UIMC1: variants seen among roughly 807,000 people sequenced by gnomAD.
The protein encoded by UIMC1 is ubiquitin interaction motif containing 1.
UIMC1 carries 42 observed loss-of-function variants against 84.9 expected under a neutral mutation model. That is an observed-to-expected ratio of 0.49 (90% confidence interval 0.39 to 0.64). The LOEUF is 0.64. Among genes scored for constraint, UIMC1 ranks in the 30% least tolerant of loss-of-function variants. The pLI, the probability that UIMC1 is intolerant of heterozygous loss-of-function variation, is 0.00. For missense variants in UIMC1, 825 were observed against 847.6 expected, an observed-to-expected ratio of 0.97 and a Z score of 0.33; for synonymous variants, 281 against 293.0, an observed-to-expected ratio of 0.96 and a Z score of 0.42.
chr5:177,009,049 C>T (rs549969563), upstream of UIMC1, among the ~76,000 whole-genome samples: 447 of 151,826 alleles, frequency 2.9e-3, no homozygotes, highest in South Asian at 8.9e-3. The surrounding 1 kb of genome is among the most constrained non-coding windows in gnomAD (Gnocchi z 4.3). Flanking sequence ...CTCTGTCACC[C>T]GTACTGGAGT....
At chr5:176,940,524 T>C (rs1366547666) in intron 10 of UIMC1, among the ~76,000 whole-genome samples, 1 of 152,192 alleles carries the variant, frequency 6.6e-6, no homozygotes, top group Admixed American at 6.5e-5. Flanking sequence ...AGATAGTCTC[T>C]TTCCTTTGAA....
chr5:177,003,131 CGAA>C (rs1240625027), intron 1 of UIMC1, among the ~76,000 whole-genome samples: 5 of 151,910 alleles, frequency 3.3e-5, no homozygotes, highest in African/African-American at 1.2e-4. Context: ...TAAAGTGCCA[CGAA>C]GCACTTTATC....
intron 13 of UIMC1, 23 bp from the exon 14 acceptor site, chr5:176,906,070 A>G (rs753395304): frequency 6.2e-7 from 1 of 1,611,376 alleles, no homozygotes; most frequent in East Asian, 2.2e-5. Flanking sequence ...AGAAAAAATA[A>G]TAATGTTGGT....
chr5:176,910,353 T>C (rs185107225), intron 11 of UIMC1, among the ~76,000 whole-genome samples: 1 of 152,376 alleles, frequency 6.6e-6, no homozygotes, highest in East Asian at 1.9e-4. Flanking sequence ...GAAGCACCTT[T>C]GTGCTATCTT....
intron 1 of UIMC1, among the ~76,000 whole-genome samples, chr5:176,994,901 T>C (rs1773381090): frequency 6.6e-6 from 1 of 151,230 alleles, no homozygotes; most frequent in South Asian, 2.1e-4. Flanking sequence ...CAGGTATTTG[T>C]AGAAATAGTT....
At chr5:177,014,989 T>G (rs1293027659) in intron 1 of UIMC1, among the ~76,000 whole-genome samples, 1 of 152,096 alleles carries the variant, frequency 6.6e-6, no homozygotes, top group Non-Finnish European at 1.5e-5. Flanking sequence ...TCCCAGCACT[T>G]TGGGAGGCCA....
chr5:176,968,933 C>G lies in UIMC1; in HGVS notation c.822G>C (p.Val274=). ...AGAATGGAATACCCCAGAAATAGTTCACAGTGCCCCCAGTGTCCTGGAGAC... is the reference window on the plus strand; with the variant it reads ...AGAATGGAATACCCCAGAAATAGTTGACAGTGCCCCCAGTGTCCTGGAGAC... ...AKGLQDTGGT[V]NYFWGIPFCP... is the part of the protein sequence containing the mutation. Residue 274 remains valine, a synonymous_variant, in exon 6 of 15, where the codon GTG becomes GTC. Transcript: ENST00000511320. 1 of 1,614,164 alleles carries G rather than the reference C, an allele frequency of 6.2e-7. No individual in the cohort carries two copies. The highest frequency in any genetic ancestry group is 8.5e-7 in the Non-Finnish European group (1 of 1,180,024).
intron 6 of UIMC1, among the ~76,000 whole-genome samples, chr5:176,964,262 A>G (rs572080660): frequency 1.6e-3 from 247 of 152,316 alleles, no homozygotes; most frequent in African/African-American, 5.7e-3. Context: ...CAGGACCTAC[A>G]TTATTTGCCT....
chr5:176,905,201 T>C lies in UIMC1; in HGVS notation c.*81A>G, dbSNP rs1473289076. 5.4e-6 allele frequency: 8 copies of C among 1,470,988 alleles called. No individual in the cohort carries two copies. The South Asian group carries it at 9.1e-5, about 17-fold the overall frequency. The allele number at this position is 1,470,988 out of a possible 1,614,324, so 91.1% of individuals were successfully genotyped here. ...TGCAGGGCTAAAACTTGCTCAACAATGAACTAGGGACCACTATGGCTTAAT... is the reference window on the plus strand; with the variant it reads ...TGCAGGGCTAAAACTTGCTCAACAACGAACTAGGGACCACTATGGCTTAAT... On this transcript the variant is annotated 3_prime_UTR_variant, in exon 15 of 15. Transcript: ENST00000511320.
At chr5:177,004,562 G>A (rs1189569286) in intron 1 of UIMC1, among the ~76,000 whole-genome samples, 1 of 152,152 alleles carries the variant, frequency 6.6e-6, no homozygotes, top group Non-Finnish European at 1.5e-5. Flanking sequence ...GAGGAATCAA[G>A]TCTGGATGCC....
rs773097460 is a variant in UIMC1, at chr5:176,970,909, A to G, written c.233-43T>C. 1.9e-6 allele frequency: 3 copies of G among 1,602,106 alleles called. No homozygotes were observed. In the African/African-American group the frequency reaches 4.0e-5, roughly 21 times the overall value. ...AAAGAGAAGGAGGAACACCACAAAC[A>G]CTGAATAATCATGGAGGCAAGAAAG... On this transcript the variant is annotated intron_variant, in intron 3 of 14. Transcript: ENST00000511320.
chr5:176,912,697 G>A (rs965923955), intron 10 of UIMC1, among the ~76,000 whole-genome samples: 2 of 145,230 alleles, frequency 1.4e-5, no homozygotes, highest in Admixed American at 6.9e-5. Context: ...ATGGAGTCTC[G>A]CTCTGTCACG....
chr5:176,921,691 C>G (rs1432425996), intron 10 of UIMC1, among the ~76,000 whole-genome samples: 1 of 152,154 alleles, frequency 6.6e-6, no homozygotes, highest in African/African-American at 2.4e-5. Flanking sequence ...ACAGCTACCT[C>G]TATGGTCAAA....
upstream of UIMC1, among the ~76,000 whole-genome samples, chr5:177,011,387 G>A (rs1775546219): frequency 2.0e-5 from 3 of 151,982 alleles, no homozygotes; most frequent in Admixed American, 2.0e-4. Flanking sequence ...CTATACTCCA[G>A]CCTGGGCAAC....
At position 176,942,853 on chromosome 5, in the gene UIMC1, G is replaced by A. The variant is rs554887800; in HGVS notation, c.1597+482C>T. 4.6e-4 allele frequency among the ~76,000 whole-genome samples: 70 copies of A among 151,626 alleles called. 2 individuals are homozygous for A. In the South Asian group the frequency reaches 0.012, roughly 27 times the overall value. On this transcript the variant is annotated intron_variant, in intron 10 of 14. Transcript: ENST00000511320. ...AAGAATCACTTGAGGTCATGAGTTC[G>A]AGAGCAGCCTGGCCAACATGGCGAA...
intron 9 of UIMC1, among the ~76,000 whole-genome samples, chr5:176,944,882 T>C (rs1764889806): frequency 6.6e-6 from 1 of 152,216 alleles, no homozygotes; most frequent in Non-Finnish European, 1.5e-5. Context: ...GTTGAGTTCT[T>C]ACACTATGCA....
At chr5:176,927,356 C>T (rs749282460) in intron 10 of UIMC1, among the ~76,000 whole-genome samples, 18 of 151,676 alleles carry the variant, frequency 1.2e-4, no homozygotes, top group Admixed American at 3.9e-4. Flanking sequence ...TGGGTTCAAG[C>T]GATTCTCCTG....
intron 7 of UIMC1, among the ~76,000 whole-genome samples, chr5:176,957,510 T>G (rs555169581): frequency 6.6e-6 from 1 of 152,314 alleles, no homozygotes; most frequent in South Asian, 2.1e-4. Flanking sequence ...GAGGAGGTAA[T>G]GCAAATACCA....
intron 2 of UIMC1, 133 bp downstream of exon 2, chr5:176,982,336 C>A: frequency 4.9e-6 from 5 of 1,030,534 alleles, no homozygotes; most frequent in Non-Finnish European, 7.0e-6. Flanking sequence ...CAAATTAAAA[C>A]AAAGCTGAGT....
Sources: gnomAD v4.1 joint callset for allele counts (sites outside exome capture counted in the v4.1 genomes callset) on GRCh38, gnomAD v4.1.1 for gene constraint, Gnocchi (gnomAD v3.1) non-coding constraint, MANE v1.5 for transcripts, NCBI Gene and HGNC (gene_info 2026-07-23, HGNC 2026-07-21) for gene names.